Variants in PIK3CA observed in about 807,000 individuals in gnomAD.
PIK3CA encodes phosphatidylinositol-4,5-bisphosphate 3-kinase catalytic subunit alpha.
A neutral mutation model predicts 138.2 loss-of-function variants in PIK3CA; 27 were observed. That is an observed-to-expected ratio of 0.20 (90% CI 0.14 to 0.27). The LOEUF (loss-of-function observed/expected upper bound fraction) is 0.27, where lower values mean the gene tolerates loss of function less well. Among genes scored for constraint, PIK3CA ranks in the 10% least tolerant of loss-of-function variants. The pLI, the probability that PIK3CA is intolerant of heterozygous loss-of-function variation, is 1.00. For missense variants in PIK3CA, 544 were observed against 1,277.4 expected (o/e 0.43, Z 8.75); for synonymous variants, 358 against 413.2 (o/e 0.87, Z 1.62).
At position 179,236,940 on chromosome 3, in the gene PIK3CA, C is replaced by G. The variant is rs1725344620; in HGVS notation, c.*2576C>G. ...TGGTTTAGACAGTTCCTATCTATAG[C>G]TGACTATCCTTGTCCTTGAATATGG... On this transcript the variant is annotated 3_prime_UTR_variant, in exon 21 of 21. Coordinates refer to ENST00000263967, the MANE Select transcript of PIK3CA (RefSeq NM_006218.4). 2 of 203,272 alleles carry G rather than the reference C, an allele frequency of 9.8e-6. No individual in the cohort carries two copies. The highest frequency in any genetic ancestry group is 1.5e-4 in the East Asian group (2 of 13,186). 12.6% of individuals were successfully genotyped at this position (203,272 alleles called of 1,614,324 possible).
At position 179,234,393 on chromosome 3, in the gene PIK3CA, T is replaced by C. The variant is rs141178472; in HGVS notation, c.*29T>C. On this transcript the variant is annotated 3_prime_UTR_variant, in exon 21 of 21. Coordinates refer to ENST00000263967, the MANE Select transcript of PIK3CA (RefSeq NM_006218.4). This position sits in a 1 kb window ranked among gnomAD's most constrained non-coding sequence, Gnocchi z 5.1. ...GATAACTGAGAAAATGAAAGCTCACTCTGGATTCCACACTGCACTGTTAAT... is the reference window on the plus strand; with the variant it reads ...GATAACTGAGAAAATGAAAGCTCACCCTGGATTCCACACTGCACTGTTAAT... 9,489 of 1,575,996 alleles carry C rather than the reference T, an allele frequency of 6.0e-3. 38 individuals are homozygous for C. Among genetic ancestry groups the C allele is most frequent in the Non-Finnish European group, 7.8e-3 (8,979 of 1,157,746 alleles).
intron 1 of PIK3CA, among the ~76,000 whole-genome samples, chr3:179,187,081 C>A (rs1280006597): frequency 6.6e-6 from 1 of 151,524 alleles, no homozygotes; most frequent in African/African-American, 2.4e-5. Flanking sequence ...TATATGATAA[C>A]CAAATTTCCT....
At position 179,190,741 on chromosome 3, in the gene PIK3CA, G is replaced by A. The variant is rs1299824216; in HGVS notation, c.-76-8009G>A. 2.0e-5 allele frequency among the ~76,000 whole-genome samples: 3 copies of A among 152,202 alleles called. No homozygotes were observed. In the East Asian group the frequency reaches 5.8e-4, roughly 29 times the overall value. On this transcript the variant is annotated intron_variant, in intron 1 of 20. Transcript: ENST00000263967. The stretch of plus-strand genomic sequence containing the variant: ...AGTCCAAGAAATAAACTTGACAGTA[G>A]ACAGATTAACAGGAGAAAAGGCATG...
rs201813303 is a variant in PIK3CA, at chr3:179,234,565, T to C, written c.*201T>C. The stretch of plus-strand genomic sequence containing the variant: ...TTTGATAGCACTTAAACTAGTTCAT[T>C]TCAAAATTAAGCTTTAGAATAATGC... On this transcript the variant is annotated 3_prime_UTR_variant, in exon 21 of 21. Transcript: ENST00000263967. This position sits in a 1 kb window ranked among gnomAD's most constrained non-coding sequence, Gnocchi z 5.1. The C allele has an allele frequency of 2.5e-6, 1 of 393,574 alleles. No individual in the cohort carries two copies. Among genetic ancestry groups the C allele is most frequent in the Non-Finnish European group, 4.5e-6 (1 of 223,988 alleles). The allele number at this position is 393,574 out of a possible 1,614,324, so 24.4% of individuals were successfully genotyped here.
chr3:179,215,607 A>G (rs959137581), intron 9 of PIK3CA, among the ~76,000 whole-genome samples: 2 of 152,208 alleles, frequency 1.3e-5, no homozygotes, highest in African/African-American at 4.8e-5. Flanking sequence ...ATGATGTTAC[A>G]TCATCCTTCA....
rs1725344532 is a variant in PIK3CA at position 179,236,933 on chromosome 3, T to G, written c.*2569T>G. On this transcript the variant is annotated 3_prime_UTR_variant, in exon 21 of 21. Transcript: ENST00000263967. ...GTTCTCGTGGTTTAGACAGTTCCTA[T>G]CTATAGCTGACTATCCTTGTCCTTG... 1 of 204,296 alleles carries G rather than the reference T, an allele frequency of 4.9e-6. No individual in the cohort carries two copies. Among genetic ancestry groups the G allele is most frequent in the East Asian group, 7.5e-5 (1 of 13,300 alleles). 12.7% of individuals were successfully genotyped at this position (204,296 alleles called of 1,614,324 possible).
chr3:179,166,499 G>A (rs555264908), intron 1 of PIK3CA, among the ~76,000 whole-genome samples: 41 of 126,738 alleles, frequency 3.2e-4, no homozygotes, highest in African/African-American at 1.4e-3. Flanking sequence ...ATTCCTCTAG[G>A]GTATGAACAG....
At chr3:179,156,022 T>G (rs1394887840) in intron 1 of PIK3CA, among the ~76,000 whole-genome samples, 1 of 152,220 alleles carries the variant, frequency 6.6e-6, no homozygotes, top group Non-Finnish European at 1.5e-5. Flanking sequence ...CCTAGTATGT[T>G]AAAGCCTGTT....
At chr3:179,162,981 T>C (rs1201233093) in intron 1 of PIK3CA, among the ~76,000 whole-genome samples, 1 of 152,160 alleles carries the variant, frequency 6.6e-6, no homozygotes, top group East Asian at 1.9e-4. Context: ...CCCTGTAGCT[T>C]ATTAGCTATC....
intron 1 of PIK3CA, among the ~76,000 whole-genome samples, chr3:179,179,679 A>G (rs1723791139): frequency 6.6e-6 from 1 of 152,230 alleles, no homozygotes. Context: ...AAAATTAACT[A>G]CTGAGAAACA....
At chr3:179,210,365 A>G (rs1231790909) in intron 8 of PIK3CA, 27 bp downstream of exon 8, 4 of 1,583,526 alleles carry the variant, frequency 2.5e-6, no homozygotes, top group East Asian at 2.2e-5. Flanking sequence ...CATAAATTAG[A>G]TATTTTTTAT....
At chr3:179,209,726 A>G in intron 7 of PIK3CA, 26 bp downstream of exon 7, 1 of 1,372,570 alleles carries the variant, frequency 7.3e-7, no homozygotes, top group Non-Finnish European at 1.0e-6. Context: ...AGGAACAATT[A>G]TGTTTACCTT....
chr3:179,233,615 G>A (rs1372758708), intron 20 of PIK3CA, among the ~76,000 whole-genome samples: 1 of 151,996 alleles, frequency 6.6e-6, no homozygotes, highest in Non-Finnish European at 1.5e-5. Context: ...TGCTTAATAC[G>A]ACATTTTTTG....
At chr3:179,224,227 A>T (rs2108417133) in intron 15 of PIK3CA, 40 bp downstream of exon 15, 1 of 960,052 alleles carries the variant, frequency 1.0e-6, no homozygotes, top group Non-Finnish European at 1.6e-6. Context: ...TTAAATAAAT[A>T]CCTTTTCTGG....
rs935616684 is a variant in PIK3CA, at chr3:179,220,485, T to C, written c.2015+433T>C. Among the ~76,000 whole-genome samples, 1 of 152,150 alleles carries C rather than the reference T, an allele frequency of 6.6e-6. No individual in the cohort carries two copies. The highest frequency in any genetic ancestry group is 1.5e-5 in the Non-Finnish European group (1 of 68,022). On this transcript the variant is annotated intron_variant, in intron 13 of 20. Transcript: ENST00000263967. This position sits in a 1 kb window ranked among gnomAD's most constrained non-coding sequence, Gnocchi z 4.1. ...AAAAAATGTTTTGTAGAATGTGATA[T>C]ATGTAGTACTCAAAAGTTACAGGTC... is the stretch of plus-strand genomic sequence containing the variant.
rs370805053 is a variant in PIK3CA, at chr3:179,154,262, G to A, written c.-77+5659G>A. Among the ~76,000 whole-genome samples the A allele has an allele frequency of 1.7e-4, 26 of 152,174 alleles. No individual in the cohort carries two copies. In the East Asian group the frequency reaches 4.8e-3, roughly 28 times the overall value. ...ACCTGTCCCTGGCCTGTTAGGAACC[G>A]GGCTGCACAGCTGGAGGTGAGCAGT... On this transcript the variant is annotated intron_variant, in intron 1 of 20. Transcript: ENST00000263967.
At chr3:179,155,500 G>A (rs1328268138) in intron 1 of PIK3CA, among the ~76,000 whole-genome samples, 1 of 151,896 alleles carries the variant, frequency 6.6e-6, no homozygotes, top group Non-Finnish European at 1.5e-5. Flanking sequence ...GGAAAAAAAA[G>A]GATAGTTATT....
chr3:179,209,875 A>T (rs1272238687), intron 7 of PIK3CA, among the ~76,000 whole-genome samples, 175 bp downstream of exon 7: 1 of 152,164 alleles, frequency 6.6e-6, no homozygotes, highest in African/African-American at 2.4e-5. Context: ...AGCTTCAGGA[A>T]TTTATGATGA....
chr3:179,187,952 T>C (rs1489497407), intron 1 of PIK3CA, among the ~76,000 whole-genome samples: 1 of 152,168 alleles, frequency 6.6e-6, no homozygotes, highest in Non-Finnish European at 1.5e-5. Context: ...TTAATTCTTA[T>C]AACATTACTG....
Sources: gnomAD v4.1 joint callset for allele counts (sites outside exome capture counted in the v4.1 genomes callset) on GRCh38, gnomAD v4.1.1 for gene constraint, Gnocchi (gnomAD v3.1) non-coding constraint, MANE v1.5 for transcripts, NCBI Gene and HGNC (gene_info 2026-07-23, HGNC 2026-07-21) for gene names.